The following ABI3BP variants were observed in gnomAD, a reference collection of about 807,000 sequenced individuals.
ABI3BP encodes the protein ABI family member 3 binding protein, also known as target of Nesh-SH3.
A neutral mutation model predicts 268.6 loss-of-function variants in ABI3BP; 216 were observed. The ratio of observed to expected loss-of-function variants is 0.80; its 90% CI spans 0.72 to 0.90. The LOEUF (loss-of-function observed/expected upper bound fraction) is 0.90. Among genes scored for constraint, ABI3BP ranks in the 40% least tolerant of loss-of-function variants. ABI3BP has a pLI of 0.00. For synonymous variants in ABI3BP, 730 were observed against 730.0 expected (o/e 1.00, Z 0.00); for missense variants, 2,090 against 2,182.4 (o/e 0.96, Z 0.84).
At chr3:100,758,894 TTTC>T (rs1485664010) in intron 63 of ABI3BP, among the ~76,000 whole-genome samples, 1 of 152,212 alleles carries the variant, frequency 6.6e-6, no homozygotes, top group Non-Finnish European at 1.5e-5. Context: ...CTGAGACTGA[TTTC>T]TTCTTTAGTG....
chr3:100,879,155 T>C (rs1399497446), intron 6 of ABI3BP, among the ~76,000 whole-genome samples: 1 of 152,196 alleles, frequency 6.6e-6, no homozygotes, highest in Non-Finnish European at 1.5e-5. Context: ...GTTGTCAATA[T>C]CTCCTCACTG....
At position 100,876,497 on chromosome 3, in the gene ABI3BP, G is replaced by T. The variant is rs2099162336; in HGVS notation, c.745+15C>A. On this transcript the variant is annotated intron_variant, in intron 7 of 67. Coordinates refer to ENST00000471714, the MANE Select transcript of ABI3BP (RefSeq NM_001375547.2). ...AAAGATTGCTCTAAACACATTTCCA[G>T]AGCAGACAAATTACCTTGCTTGATG... 6.2e-7 allele frequency: 1 copy of T among 1,608,916 alleles called. No homozygotes were observed. The highest frequency in any genetic ancestry group is 1.7e-5 in the Admixed American group (1 of 59,944).
At chr3:100,989,598 T>C (rs1204600415) in intron 1 of ABI3BP, among the ~76,000 whole-genome samples, 1 of 152,208 alleles carries the variant, frequency 6.6e-6, no homozygotes, top group Non-Finnish European at 1.5e-5. Context: ...GGCCATCAGA[T>C]TACACTTGTA....
At chr3:100,820,785 G>A (rs959959993) in intron 39 of ABI3BP, among the ~76,000 whole-genome samples, 6 of 152,062 alleles carry the variant, frequency 3.9e-5, no homozygotes, top group African/African-American at 1.2e-4. Context: ...CAAAAAAATT[G>A]GTTAAAAAAC....
chr3:100,778,394 A>T lies in ABI3BP; in HGVS notation c.4241-18T>A, dbSNP rs1455467718. On this transcript the variant is annotated intron_variant, in intron 58 of 67. Coordinates refer to ENST00000471714, the MANE Select transcript of ABI3BP (RefSeq NM_001375547.2). ...GCGAGTCCCTGGGATTGTGGATAAGAGATTGTATTTTAGATAAAGCCATCA... is the reference window on the plus strand; with the variant it reads ...GCGAGTCCCTGGGATTGTGGATAAGTGATTGTATTTTAGATAAAGCCATCA... 2 of 1,602,126 alleles carry T rather than the reference A, an allele frequency of 1.2e-6. No homozygotes were observed. Among genetic ancestry groups the T allele is most frequent in the Admixed American group, 1.7e-5 (1 of 58,988 alleles).
intron 1 of ABI3BP, among the ~76,000 whole-genome samples, chr3:100,954,796 A>G (rs971070657): frequency 9.9e-5 from 15 of 152,038 alleles, no homozygotes; most frequent in African/African-American, 3.6e-4. Context: ...CTTTTCCTCT[A>G]CAATTCTGGG....
chr3:100,772,754 G>T (rs1324517151), intron 61 of ABI3BP, among the ~76,000 whole-genome samples: 1 of 152,116 alleles, frequency 6.6e-6, no homozygotes, highest in East Asian at 1.9e-4. Context: ...AATATCAATA[G>T]CCATATTAAA....
intron 32 of ABI3BP, 109 bp downstream of exon 32, chr3:100,830,469 G>T: frequency 1.1e-6 from 1 of 890,254 alleles, no homozygotes; most frequent in Non-Finnish European, 1.7e-6. Flanking sequence ...GAATAATAGA[G>T]GATAACACAG....
Position 100,874,895 on chromosome 3 carries a change from T to C in ABI3BP, c.856A>G (p.Lys286Glu). ...IIPGLNETTV[K>E]LPASLMFEIS... The stretch of plus-strand genomic sequence containing the variant: ...TCAAACATTAGGGATGCAGGAAGTT[T>C]TACAGTAGTTTCATTAAGACCTGGA... Residue 286 changes from lysine to glutamate, a missense_variant, in exon 9 of 68, where the codon AAA becomes GAA. Coordinates refer to ENST00000471714, the MANE Select transcript of ABI3BP (RefSeq NM_001375547.2). The C allele has an allele frequency of 1.2e-6, 2 of 1,600,944 alleles. No individual in the cohort carries two copies. Among genetic ancestry groups the C allele is most frequent in the Non-Finnish European group, 1.7e-6 (2 of 1,172,592 alleles).
chr3:100,866,420 A>T (rs1004388168), intron 10 of ABI3BP, among the ~76,000 whole-genome samples: 5 of 152,224 alleles, frequency 3.3e-5, no homozygotes, highest in Non-Finnish European at 5.9e-5. Context: ...TCTCTACACT[A>T]GGATTGCTAA....
chr3:100,939,044 T>C (rs2067622156), intron 1 of ABI3BP, among the ~76,000 whole-genome samples: 1 of 152,124 alleles, frequency 6.6e-6, no homozygotes, highest in Admixed American at 6.6e-5. Context: ...AAAGTTCTTA[T>C]ATTCCAACTA....
chr3:100,865,364 A>G (rs573124155), intron 10 of ABI3BP, among the ~76,000 whole-genome samples: 1 of 152,310 alleles, frequency 6.6e-6, no homozygotes, highest in East Asian at 1.9e-4. Flanking sequence ...TCTTACTTAG[A>G]GCTACCACAT....
At chr3:100,811,859 A>G (rs1186221936) in intron 46 of ABI3BP, 60 bp from the exon 47 acceptor site, 1 of 1,158,946 alleles carries the variant, frequency 8.6e-7, no homozygotes, top group Non-Finnish European at 1.2e-6. Flanking sequence ...ACTGTAATAG[A>G]ACCCTGCATT....
chr3:100,869,377 T>C (rs1035120828), intron 9 of ABI3BP, among the ~76,000 whole-genome samples: 2 of 127,838 alleles, frequency 1.6e-5, no homozygotes. Context: ...CTCACTCTGT[T>C]GCCCAGGCTG....
intron 17 of ABI3BP, among the ~76,000 whole-genome samples, chr3:100,849,255 C>G (rs1052748760): frequency 7.6e-6 from 1 of 131,794 alleles, no homozygotes; most frequent in Non-Finnish European, 1.6e-5. Context: ...GAGACAGAGT[C>G]TCACTCTGTC....
Position 100,778,376 on chromosome 3 carries a change from C to G in ABI3BP, c.4241G>C (p.Gly1414Ala), listed in dbSNP as rs377179948. 3.1e-4 allele frequency: 498 copies of G among 1,609,500 alleles called. 4 individuals carry two copies. The South Asian group carries it at 5.2e-3, about 17-fold the overall frequency. ...VDSTHPTKKPGTRRPPLPPRP... is the reference protein window; with the variant it reads ...VDSTHPTKKPATRRPPLPPRP... ...GGGTGGCAAGGGTGGGCGGCGAGTCCCTGGGATTGTGGATAAGAGATTGTA... is the reference window on the plus strand; with the variant it reads ...GGGTGGCAAGGGTGGGCGGCGAGTCGCTGGGATTGTGGATAAGAGATTGTA... Residue 1414 changes from glycine to alanine, a missense_variant and splice_region_variant, in exon 59 of 68, where the codon GGG becomes GCG. Physicochemically the swap from Gly to Ala is moderately conservative, Grantham distance 60. Transcript: ENST00000471714.
At chr3:100,938,709 A>G (rs868200678) in intron 1 of ABI3BP, among the ~76,000 whole-genome samples, 2 of 152,164 alleles carry the variant, frequency 1.3e-5, no homozygotes, top group Non-Finnish European at 2.9e-5. Context: ...TGAAAATTAA[A>G]TGATGTTATC....
chr3:100,969,349 C>A (rs1398149286), intron 1 of ABI3BP, among the ~76,000 whole-genome samples: 1 of 152,168 alleles, frequency 6.6e-6, no homozygotes, highest in Non-Finnish European at 1.5e-5. Context: ...TAGCCAGTGG[C>A]ATTGCCAGAA....
chr3:100,777,803 G>A (rs148411262), intron 59 of ABI3BP, among the ~76,000 whole-genome samples: 15 of 152,238 alleles, frequency 9.9e-5, no homozygotes, highest in African/African-American at 3.6e-4. Context: ...AGGCCTTTCC[G>A]TCACCCTGAA....
Sources: gnomAD v4.1 joint callset for allele counts (sites outside exome capture counted in the v4.1 genomes callset) on GRCh38, gnomAD v4.1.1 for gene constraint, MANE v1.5 for transcripts, NCBI Gene and HGNC (gene_info 2026-07-23, HGNC 2026-07-21) for gene names.